PRPSAP2: variants seen among roughly 807,000 people sequenced by gnomAD.
PRPSAP2 encodes the protein phosphoribosyl pyrophosphate synthetase associated protein 2.
In PRPSAP2, 24 loss-of-function variants were observed where a neutral mutation model predicts 40.6. That is an observed-to-expected ratio of 0.59 (90% CI 0.43 to 0.83). The LOEUF (loss-of-function observed/expected upper bound fraction) is 0.83. Among genes scored for constraint, PRPSAP2 ranks in the 40% least tolerant of loss-of-function variants. The pLI is 0.00. For missense variants in PRPSAP2, 292 were observed against 465.6 expected (o/e 0.63, Z 3.43); for synonymous variants, 149 against 164.7 (o/e 0.90, Z 0.73).
At chr17:18,890,063 CT>C (rs2039444379) in intron 8 of PRPSAP2, among the ~76,000 whole-genome samples, 186 bp downstream of exon 8, 1 of 151,840 alleles carries the variant, frequency 6.6e-6, no homozygotes, top group Non-Finnish European at 1.5e-5. Flanking sequence ...AATTTCCTCT[CT>C]TTTTTTTCCA....
Position 18,911,084 on chromosome 17 carries a change from G to A in PRPSAP2, c.585-19G>A. The A allele has an allele frequency of 1.9e-6, 3 of 1,593,962 alleles. No homozygotes were observed. Among genetic ancestry groups the A allele is most frequent in the Non-Finnish European group, 2.6e-6 (3 of 1,166,764 alleles). On this transcript the variant is annotated intron_variant, in intron 8 of 11. Transcript: ENST00000268835. The surrounding 1 kb of genome is among the most constrained non-coding windows in gnomAD (Gnocchi z 4.5). Reference sequence around the variant, plus strand: ...AGGGCTGCATGAGTTTTGAGCTTGTGTCTGGTGTTTTCCCTCAGGGCACAG... The same window carrying A: ...AGGGCTGCATGAGTTTTGAGCTTGTATCTGGTGTTTTCCCTCAGGGCACAG...
chr17:18,860,883 T>C (rs2036956101), intron 1 of PRPSAP2, among the ~76,000 whole-genome samples: 1 of 152,232 alleles, frequency 6.6e-6, no homozygotes, highest in Non-Finnish European at 1.5e-5. Context: ...TGATTTGCTC[T>C]TTAAAAGGTG....
At chr17:18,918,595 G>A (rs1195572220) in intron 9 of PRPSAP2, among the ~76,000 whole-genome samples, 1 of 152,244 alleles carries the variant, frequency 6.6e-6, no homozygotes, top group African/African-American at 2.4e-5. Flanking sequence ...CTCGATCCGG[G>A]CCATTTAGTG....
chr17:18,925,845 C>T (rs775702653), intron 10 of PRPSAP2, among the ~76,000 whole-genome samples: 1 of 152,196 alleles, frequency 6.6e-6, no homozygotes, highest in African/African-American at 2.4e-5. Flanking sequence ...GGCACGGTGG[C>T]TCACTTCTGT....
At chr17:18,887,188 A>T (rs1409144434) in intron 7 of PRPSAP2, among the ~76,000 whole-genome samples, 2 of 149,920 alleles carry the variant, frequency 1.3e-5, no homozygotes, top group Admixed American at 6.7e-5. Context: ...ACCCGCCTCA[A>T]CCTCCCAGAG....
In PRPSAP2 at chr17:18,928,716, C is replaced by T. The variant is rs115108920; in HGVS notation, c.805-95C>T. On this transcript the variant is annotated intron_variant, in intron 10 of 11. Transcript: ENST00000268835. ...GCCAAGTGGAAGAGCAGATTTTTCACGGTAAATGTAGGCAGACCCTTTTTT... is the reference window on the plus strand; with the variant it reads ...GCCAAGTGGAAGAGCAGATTTTTCATGGTAAATGTAGGCAGACCCTTTTTT... The T allele has an allele frequency of 8.5e-4, 1,297 of 1,528,198 alleles. 8 individuals are homozygous for T. The African/African-American group carries it at 0.014, about 16-fold the overall frequency. 94.7% of individuals were successfully genotyped at this position (1,528,198 alleles called of 1,614,324 possible).
chr17:18,924,506 T>C (rs949376578), intron 10 of PRPSAP2, among the ~76,000 whole-genome samples: 5 of 152,052 alleles, frequency 3.3e-5, no homozygotes, highest in Non-Finnish European at 7.4e-5. Flanking sequence ...CGTTGGCTCA[T>C]GCCTGTAATC....
intron 8 of PRPSAP2, among the ~76,000 whole-genome samples, chr17:18,896,968 TC>T (rs1352945656): frequency 6.7e-6 from 1 of 150,236 alleles, no homozygotes; most frequent in Non-Finnish European, 1.5e-5. Context: ...ACACACAGTT[TC>T]TTTTTTTTGA....
chr17:18,878,676 G>A (rs923030168), intron 6 of PRPSAP2, among the ~76,000 whole-genome samples: 8 of 152,022 alleles, frequency 5.3e-5, no homozygotes, highest in Non-Finnish European at 1.2e-4. Context: ...TCCTGCCTCA[G>A]CCTCCCAAGT....
At chr17:18,924,717 C>T (rs990532646) in intron 10 of PRPSAP2, among the ~76,000 whole-genome samples, 2 of 149,346 alleles carry the variant, frequency 1.3e-5, no homozygotes, top group East Asian at 2.0e-4. Context: ...TGCAGTGAGC[C>T]GAGATCATGC....
intron 7 of PRPSAP2, among the ~76,000 whole-genome samples, chr17:18,883,504 G>A (rs1296002125): frequency 1.3e-5 from 2 of 150,012 alleles, no homozygotes; most frequent in African/African-American, 2.5e-5. Flanking sequence ...CCGGGTTCAA[G>A]CAATTCTCGA....
intron 5 of PRPSAP2, among the ~76,000 whole-genome samples, chr17:18,876,689 A>G (rs2038323822): frequency 6.6e-6 from 1 of 152,188 alleles, no homozygotes; most frequent in South Asian, 2.1e-4. Context: ...AAAAAATAAG[A>G]CAGCATGGTG....
At chr17:18,913,541 CTTTTTTT>C (rs35697920) in intron 9 of PRPSAP2, among the ~76,000 whole-genome samples, 6 of 73,952 alleles carry the variant, frequency 8.1e-5, no homozygotes, top group Non-Finnish European at 1.5e-4. Flanking sequence ...GCGTCTGGTT[CTTTTTTT>C]TTTTTTTTTT....
intron 1 of PRPSAP2, among the ~76,000 whole-genome samples, chr17:18,862,201 A>C (rs1037912222): frequency 1.3e-5 from 2 of 152,104 alleles, no homozygotes; most frequent in Non-Finnish European, 2.9e-5. Flanking sequence ...GCATGTTCTA[A>C]GGAAGAATTT....
chr17:18,882,523 CA>C (rs757632993), intron 6 of PRPSAP2, 44 bp from the exon 7 acceptor site: 4 of 1,224,564 alleles, frequency 3.3e-6, no homozygotes, highest in African/African-American at 1.5e-5. Flanking sequence ...AAAAAAAAAA[CA>C]AAAACAAAAC....
intron 9 of PRPSAP2, among the ~76,000 whole-genome samples, chr17:18,915,016 G>A (rs2041220749): frequency 1.4e-5 from 2 of 139,644 alleles, no homozygotes; most frequent in South Asian, 4.7e-4. Flanking sequence ...ATGAACCACT[G>A]CACCCGACCT....
chr17:18,899,014 C>T (rs2040097885), intron 8 of PRPSAP2, among the ~76,000 whole-genome samples: 1 of 152,128 alleles, frequency 6.6e-6, no homozygotes, highest in Non-Finnish European at 1.5e-5. Context: ...AAGCGATTCT[C>T]CTGCCTCAGC....
In PRPSAP2 at chr17:18,866,393, C is replaced by T. The variant is rs188025270; in HGVS notation, c.119+441C>T. On this transcript the variant is annotated intron_variant, in intron 3 of 11. Coordinates refer to ENST00000268835, the MANE Select transcript of PRPSAP2 (RefSeq NM_002767.4). ...TCCTAGTTAACAAGGTGAAACCCCG[C>T]GTCTACTAAAAATACAAAAAATTAG... is the stretch of plus-strand genomic sequence containing the variant. Among the ~76,000 whole-genome samples, 846 of 152,134 alleles carry T rather than the reference C, an allele frequency of 5.6e-3. 4 individuals carry two copies. Among genetic ancestry groups the T allele is most frequent in the Admixed American group, 0.01 (157 of 15,252 alleles).
At chr17:18,926,442 T>C (rs913608491) in intron 10 of PRPSAP2, among the ~76,000 whole-genome samples, 4 of 151,394 alleles carry the variant, frequency 2.6e-5, no homozygotes, top group South Asian at 2.1e-4. Context: ...AATTTTTGTA[T>C]TTTTTTTGTA....
Sources: gnomAD v4.1 joint callset for allele counts (sites outside exome capture counted in the v4.1 genomes callset) on GRCh38, gnomAD v4.1.1 for gene constraint, Gnocchi (gnomAD v3.1) non-coding constraint, MANE v1.5 for transcripts, NCBI Gene and HGNC (gene_info 2026-07-23, HGNC 2026-07-21) for gene names.